Variants in BFSP1 observed in about 807,000 individuals in gnomAD.
The protein encoded by BFSP1 is filensin.
In BFSP1, 38 loss-of-function variants were observed where a neutral mutation model predicts 43.9. That is an observed-to-expected ratio of 0.87 (90% CI 0.67 to 1.14). BFSP1 has a LOEUF of 1.14. Ranked by LOEUF, BFSP1 falls within the 50% of genes most tolerant of loss-of-function variation. The pLI is 0.00. For synonymous variants in BFSP1, 352 were observed against 354.8 expected, an observed-to-expected ratio of 0.99 and a Z score of 0.09; for missense variants, 850 against 875.1, an observed-to-expected ratio of 0.97 and a Z score of 0.36.
At chr20:17,516,786 A>C in intron 2 of BFSP1, 1 of 484,234 alleles carries the variant, frequency 2.1e-6, no homozygotes, top group Admixed American at 3.3e-5. Flanking sequence ...TTAGGAATGT[A>C]TCTTAAAACA....
chr20:17,505,402 G>C (rs2123473046), intron 5 of BFSP1, among the ~76,000 whole-genome samples: 1 of 152,360 alleles, frequency 6.6e-6, no homozygotes, highest in African/African-American at 2.4e-5. Context: ...CCCGCTGCTG[G>C]GACGGGGACC....
intron 2 of BFSP1, chr20:17,517,111 ATAAGCACAAGAGGAAGAAGAT>A: frequency 2.5e-6 from 2 of 810,728 alleles, no homozygotes; most frequent in East Asian, 4.8e-5. Flanking sequence ...CCCAAGAAGA[ATAAGCACAAGAGGAAGAAGAT>A]TAAGCTGGCT....
At chr20:17,505,017 T>C (rs1193308121) in intron 5 of BFSP1, among the ~76,000 whole-genome samples, 2 of 152,116 alleles carry the variant, frequency 1.3e-5, no homozygotes, top group Non-Finnish European at 1.5e-5. Flanking sequence ...TAAGTGACTT[T>C]AATGAGAAAT....
intron 1 of BFSP1, among the ~76,000 whole-genome samples, chr20:17,529,378 T>C (rs1335484613): frequency 2.0e-5 from 3 of 152,104 alleles, no homozygotes; most frequent in African/African-American, 4.8e-5. Context: ...ACCCAGCCCA[T>C]AGTTAAATAA....
At chr20:17,496,791 A>C in intron 7 of BFSP1, 147 bp downstream of exon 7, 102 of 591,932 alleles carry the variant, frequency 1.7e-4, no homozygotes, top group Middle Eastern at 1.5e-3. Context: ...CAGAGAGGGC[A>C]GAGGGTGGGA....
upstream of BFSP1, among the ~76,000 whole-genome samples, chr20:17,562,387 C>T (rs376569309): frequency 8.6e-5 from 13 of 151,714 alleles, no homozygotes; most frequent in African/African-American, 2.9e-4. Flanking sequence ...CTTAGCCAGG[C>T]GTGGTGGCAC....
intron 5 of BFSP1, among the ~76,000 whole-genome samples, chr20:17,502,159 T>C (rs1158902037): frequency 6.6e-6 from 1 of 150,546 alleles, no homozygotes; most frequent in Non-Finnish European, 1.5e-5. Flanking sequence ...CCCTGCCTTT[T>C]ATACCCTGCT....
rs540784634 is a variant in BFSP1 at position 17,516,127 on chromosome 20, G to A, written c.439-1311C>T. ...GTGGATCACCTGAGGTCAGGAGTTCGAGACCAGCCTGACCAACATGGAGAA... is the reference window on the plus strand; with the variant it reads ...GTGGATCACCTGAGGTCAGGAGTTCAAGACCAGCCTGACCAACATGGAGAA... On this transcript the variant is annotated intron_variant, in intron 2 of 7. Coordinates refer to ENST00000377873, the MANE Select transcript of BFSP1 (RefSeq NM_001195.5). Among the ~76,000 whole-genome samples, 6 of 152,210 alleles carry A rather than the reference G, an allele frequency of 3.9e-5. No individual in the cohort carries two copies. In the East Asian group the frequency reaches 1.2e-3, roughly 29 times the overall value.
At chr20:17,520,212 C>CCG (rs1491576956) in intron 2 of BFSP1, among the ~76,000 whole-genome samples, 6 of 136,606 alleles carry the variant, frequency 4.4e-5, no homozygotes, top group South Asian at 2.7e-4. Context: ...TTTAACGTGC[C>CCG]CCCCCACCCC....
rs752363092 is a variant in BFSP1 at position 17,531,310 on chromosome 20, A to G, written c.20T>C (p.Val7Ala). ...GTACTGCTCCTTGCGGGTCTGGAAGACGTAGCTGCGCCGGTACATGGCTGC... is the reference window on the plus strand; with the variant it reads ...GTACTGCTCCTTGCGGGTCTGGAAGGCGTAGCTGCGCCGGTACATGGCTGC... MYRRSY[V>A]FQTRKEQYEH... Residue 7 changes from valine (V) to alanine (A), a missense_variant, in exon 1 of 8, where the codon GTC becomes GCC. Coordinates refer to ENST00000377873, the MANE Select transcript of BFSP1 (RefSeq NM_001195.5). 19 of 1,468,714 alleles carry G rather than the reference A, an allele frequency of 1.3e-5. No individual in the cohort carries two copies. The highest frequency in any genetic ancestry group is 1.6e-5 in the Non-Finnish European group (18 of 1,117,036). The allele number at this position is 1,468,714 out of a possible 1,614,324, so 91.0% of individuals were successfully genotyped here.
chr20:17,539,105 CTTTTTTTTTTTTTTT>C (rs1156875265), intron 1 of BFSP1, among the ~76,000 whole-genome samples: 8 of 63,556 alleles, frequency 1.3e-4, no homozygotes, highest in African/African-American at 4.1e-4. Context: ...ATTTCTTCTT[CTTTTTTTTTTTTTTT>C]TTTTTTTTTT....
At chr20:17,551,450 C>A (rs2034894614) in intron 1 of BFSP1, among the ~76,000 whole-genome samples, 1 of 152,190 alleles carries the variant, frequency 6.6e-6, no homozygotes, top group African/African-American at 2.4e-5. Flanking sequence ...TCACCTCCCA[C>A]CAGGCCCCTC....
intron 1 of BFSP1, among the ~76,000 whole-genome samples, chr20:17,545,590 T>A (rs1030496372): frequency 1.3e-5 from 2 of 152,208 alleles, no homozygotes; most frequent in African/African-American, 4.8e-5. Context: ...AACTCCATCT[T>A]AAAACTAGTG....
chr20:17,514,936 T>C (rs928809689), intron 2 of BFSP1, 120 bp from the exon 3 acceptor site: 18 of 856,240 alleles, frequency 2.1e-5, no homozygotes, highest in Admixed American at 3.8e-5. Context: ...TCTGGTTCAG[T>C]AGGTCTGGGA....
intron 5 of BFSP1, among the ~76,000 whole-genome samples, chr20:17,499,853 A>T (rs758071533): frequency 6.6e-6 from 1 of 152,152 alleles, no homozygotes; most frequent in Non-Finnish European, 1.5e-5. Flanking sequence ...CCTGGGAGGC[A>T]GAGGCTGCAG....
rs1326697522 is a variant in BFSP1 at position 17,496,927 on chromosome 20, G to A, written c.1042+11C>T. Reference sequence around the variant, plus strand: ...AGAAAAAAACAGAAGTCCAGTGTTGGGGAGCGTTACCTTTCCCACCGGATC... The same window carrying A: ...AGAAAAAAACAGAAGTCCAGTGTTGAGGAGCGTTACCTTTCCCACCGGATC... On this transcript the variant is annotated intron_variant, in intron 7 of 7. Coordinates refer to ENST00000377873, the MANE Select transcript of BFSP1 (RefSeq NM_001195.5). 5.2e-6 allele frequency: 8 copies of A among 1,526,156 alleles called. No homozygotes were observed. The highest frequency in any genetic ancestry group is 7.0e-6 in the Non-Finnish European group (8 of 1,136,622). 94.5% of individuals were successfully genotyped at this position (1,526,156 alleles called of 1,614,324 possible).
intron 1 of BFSP1, among the ~76,000 whole-genome samples, chr20:17,550,160 C>T (rs2034872098): frequency 6.6e-6 from 1 of 152,116 alleles, no homozygotes; most frequent in African/African-American, 2.4e-5. Flanking sequence ...GACCCAGACA[C>T]CAAGAGGGGG....
intron 4 of BFSP1, 129 bp downstream of exon 4, chr20:17,511,847 T>C (rs539890634): frequency 7.8e-6 from 5 of 644,570 alleles, no homozygotes; most frequent in South Asian, 6.5e-5. Flanking sequence ...CAGATGAGAA[T>C]ACAAGGCAGG....
intron 5 of BFSP1, among the ~76,000 whole-genome samples, chr20:17,506,277 C>T (rs1043562613): frequency 1.3e-5 from 2 of 151,872 alleles, no homozygotes; most frequent in African/African-American, 4.8e-5. Flanking sequence ...GGCTGGCCAA[C>T]ATCTTTCTTT....
Sources: allele counts gnomAD v4.1 joint callset (sites outside exome capture counted in the v4.1 genomes callset), GRCh38; gene constraint gnomAD v4.1.1; transcripts MANE v1.5; gene names NCBI Gene and HGNC (gene_info 2026-07-23, HGNC 2026-07-21).